The following RANBP2 variants were observed in gnomAD, a reference collection of about 807,000 sequenced individuals.
The protein encoded by RANBP2 is RAN binding protein 2.
A neutral mutation model predicts 303.6 loss-of-function variants in RANBP2; 57 were observed. The observed-to-expected ratio is 0.19, with a 90% CI of 0.15 to 0.23. The LOEUF is 0.23. RANBP2 is among the 10% of genes least tolerant of loss of function. The pLI is 1.00. For missense variants in RANBP2, 3,138 were observed against 3,780.8 expected (o/e 0.83, Z 4.46); for synonymous variants, 1,167 against 1,301.5 (o/e 0.90, Z 2.23).
chr2:108,747,601 A>G (rs974469145), intron 8 of RANBP2, among the ~76,000 whole-genome samples: 2 of 150,936 alleles, frequency 1.3e-5, no homozygotes, highest in Non-Finnish European at 3.0e-5. Flanking sequence ...TTTTCCTTCT[A>G]CCCTTGCAGG....
At chr2:109,723,967 G>A in the RANBP2 span, among the ~76,000 whole-genome samples, 1 of 152,170 alleles carries the variant, frequency 6.6e-6, no homozygotes, top group East Asian at 1.9e-4. Flanking sequence ...AAGGGGCCCA[G>A]TTTCAATTTT....
At chr2:108,994,815 TATATATATATATATC>T in the RANBP2 span, among the ~76,000 whole-genome samples, 67,440 of 98,834 alleles carry the variant, frequency 0.68, 23,328 homozygotes, top group East Asian at 0.82. Context: ...TATATATATA[TATATATATATATATC>T]TTTTTTTTTT....
chr2:108,840,782 T>C, the RANBP2 span, among the ~76,000 whole-genome samples: 364 of 150,712 alleles, frequency 2.4e-3, 5 homozygotes, highest in African/African-American at 8.8e-3. Flanking sequence ...TCTCTTTGTT[T>C]CATTTCTTTT....
the RANBP2 span, chr2:108,812,604 A>G: frequency 6.4e-7 from 1 of 1,562,358 alleles, no homozygotes; most frequent in Non-Finnish European, 8.8e-7. Flanking sequence ...GTGTATATTG[A>G]AATATCTAAC....
At chr2:109,315,697 C>G in the RANBP2 span, among the ~76,000 whole-genome samples, 1 of 152,350 alleles carries the variant, frequency 6.6e-6, no homozygotes, top group South Asian at 2.1e-4. Flanking sequence ...TCAGTCCAGG[C>G]TTTCCCACCC....
the RANBP2 span, among the ~76,000 whole-genome samples, chr2:109,485,247 A>G: frequency 2.6e-5 from 4 of 152,260 alleles, no homozygotes; most frequent in Non-Finnish European, 5.9e-5. Context: ...GTGGTGGGAC[A>G]GCCACCTGTC....
At chr2:109,092,997 G>A in the RANBP2 span, among the ~76,000 whole-genome samples, 3 of 152,334 alleles carry the variant, frequency 2.0e-5, no homozygotes, top group East Asian at 5.8e-4. Flanking sequence ...AATACCAGAT[G>A]AGATTTCTCT....
At chr2:108,989,189 C>T in the RANBP2 span, 1 of 153,046 alleles carries the variant, frequency 6.5e-6, no homozygotes, top group South Asian at 2.1e-4. Context: ...GGGAACTCTT[C>T]CTTGACCGCT....
chr2:108,796,171 C>T, the RANBP2 span, among the ~76,000 whole-genome samples: 1 of 152,110 alleles, frequency 6.6e-6, no homozygotes, highest in African/African-American at 2.4e-5. Context: ...GCCTCAGCCT[C>T]CCGAGTAGCT....
rs191213957 is a variant in RANBP2, at chr2:108,737,399, A to C, written c.782+1150A>C. 1.9e-3 allele frequency among the ~76,000 whole-genome samples: 262 copies of C among 140,462 alleles called. 2 individuals carry two copies. Among genetic ancestry groups the C allele is most frequent in the African/African-American group, 7.0e-3 (255 of 36,384 alleles). The allele number at this position is 140,462 out of a possible 152,430, so 92.1% of individuals were successfully genotyped here. On this transcript the variant is annotated intron_variant, in intron 6 of 28. Coordinates refer to ENST00000283195, the MANE Select transcript of RANBP2 (RefSeq NM_006267.5). ...GTGTCACCAGGCTGGAGTGCAATGG[A>C]ACGACCTTGGCTCACTGTAACCTCC...
the RANBP2 span, among the ~76,000 whole-genome samples, chr2:109,650,606 C>T: frequency 6.6e-6 from 1 of 152,136 alleles, no homozygotes; most frequent in Admixed American, 6.6e-5. Flanking sequence ...TCCCATAATC[C>T]CCGTGTGTTG....
the RANBP2 span, among the ~76,000 whole-genome samples, chr2:109,377,044 T>C: frequency 3.7e-3 from 559 of 152,356 alleles, 1 homozygote; most frequent in African/African-American, 0.013. Flanking sequence ...CCGGGCTATT[T>C]TGCTGCCTTT....
chr2:109,207,145 G>GCT, the RANBP2 span, among the ~76,000 whole-genome samples: 1 of 152,186 alleles, frequency 6.6e-6, no homozygotes, highest in Non-Finnish European at 1.5e-5. Flanking sequence ...AACTGGGGGT[G>GCT]AGGGTGCAAT....
the RANBP2 span, among the ~76,000 whole-genome samples, chr2:109,604,280 G>A: frequency 2.1e-5 from 3 of 145,742 alleles, no homozygotes; most frequent in African/African-American, 7.5e-5. Context: ...GGAGGCAGAG[G>A]TTGCAGTGGT....
chr2:108,832,923 T>C, the RANBP2 span, among the ~76,000 whole-genome samples: 1 of 152,144 alleles, frequency 6.6e-6, no homozygotes, highest in Non-Finnish European at 1.5e-5. Flanking sequence ...ATCCCACAGA[T>C]AAGAGGGAGA....
chr2:109,610,566 A>C, the RANBP2 span, among the ~76,000 whole-genome samples: 1 of 152,046 alleles, frequency 6.6e-6, no homozygotes, highest in Non-Finnish European at 1.5e-5. Context: ...AATACAAAAA[A>C]TTAGCCGGGC....
chr2:109,398,666 T>C, the RANBP2 span: 1 of 1,607,844 alleles, frequency 6.2e-7, no homozygotes, highest in Non-Finnish European at 8.5e-7. Context: ...AATGCCTCCC[T>C]GCCCTCTGAC....
At chr2:108,803,410 T>C in the RANBP2 span, among the ~76,000 whole-genome samples, 185 of 152,324 alleles carry the variant, frequency 1.2e-3, no homozygotes, top group African/African-American at 4.4e-3. Context: ...TAGTGGACAT[T>C]TTTTAGAGCT....
the RANBP2 span, among the ~76,000 whole-genome samples, chr2:109,165,864 G>T: frequency 6.6e-6 from 1 of 152,212 alleles, no homozygotes; most frequent in Non-Finnish European, 1.5e-5. Context: ...AGTGCTCTAC[G>T]TGTGCCCAGG....
Sources: gnomAD v4.1 joint callset for allele counts (sites outside exome capture counted in the v4.1 genomes callset) on GRCh38, gnomAD v4.1.1 for gene constraint, MANE v1.5 for transcripts, NCBI Gene and HGNC (gene_info 2026-07-23, HGNC 2026-07-21) for gene names.